DCT: variants seen among roughly 807,000 people sequenced by gnomAD.
DCT encodes the protein dopachrome tautomerase, also known as L-dopachrome tautomerase.
DCT carries 47 observed loss-of-function variants against 53.0 expected under a neutral mutation model. The ratio of observed to expected loss-of-function variants is 0.89; its 90% confidence interval spans 0.70 to 1.13. The LOEUF is 1.13. Among genes scored for constraint, DCT ranks in the 50% most tolerant of loss-of-function variants. The probability of loss-of-function intolerance (pLI) is 0.00; values close to 1 mark genes in which losing one functional copy is unlikely to be tolerated. For synonymous variants in DCT, 244 were observed against 237.0 expected (o/e 1.03, Z -0.27); for missense variants, 669 against 637.4 (o/e 1.05, Z -0.53).
At chr13:94,534,827 C>T in the DCT span, among the ~76,000 whole-genome samples, 1 of 152,198 alleles carries the variant, frequency 6.6e-6, no homozygotes, top group South Asian at 2.1e-4. Context: ...AATTTGAAGG[C>T]AAAAGATAAT....
intron 1 of DCT, among the ~76,000 whole-genome samples, chr13:94,474,846 T>C (rs1884972367): frequency 6.6e-6 from 1 of 152,202 alleles, no homozygotes; most frequent in African/African-American, 2.4e-5. Flanking sequence ...TTCTACTTAT[T>C]AGGCTGAAAT....
At chr13:94,461,040 G>A (rs1463600961) in intron 5 of DCT, among the ~76,000 whole-genome samples, 1 of 152,208 alleles carries the variant, frequency 6.6e-6, no homozygotes, top group Non-Finnish European at 1.5e-5. Context: ...AGCCTTCAGA[G>A]TAGTGTCAAA....
chr13:94,509,562 G>T, the DCT span, among the ~76,000 whole-genome samples: 1 of 152,156 alleles, frequency 6.6e-6, no homozygotes, highest in Non-Finnish European at 1.5e-5. Flanking sequence ...CAACCATAAT[G>T]GATATGCAGT....
At chr13:94,481,422 A>T (rs1298274147), upstream of DCT, among the ~76,000 whole-genome samples, 2 of 152,144 alleles carry the variant, frequency 1.3e-5, no homozygotes, top group African/African-American at 4.8e-5. Context: ...CATTCATTCC[A>T]TGTATATTTA....
At chr13:94,443,266 T>C (rs1196795368) in intron 7 of DCT, among the ~76,000 whole-genome samples, 170 bp downstream of exon 7, 3 of 152,202 alleles carry the variant, frequency 2.0e-5, no homozygotes, top group African/African-American at 4.8e-5. Flanking sequence ...ATTGGTAGTT[T>C]AAAGGCTCAT....
At chr13:94,442,993 G>T (rs1215753557) in intron 7 of DCT, among the ~76,000 whole-genome samples, 1 of 152,124 alleles carries the variant, frequency 6.6e-6, no homozygotes, top group Admixed American at 6.5e-5. Flanking sequence ...GGCAAATGTT[G>T]TACTTTCCTC....
chr13:94,525,339 TGATC>T, the DCT span, among the ~76,000 whole-genome samples: 1 of 152,124 alleles, frequency 6.6e-6, no homozygotes, highest in Non-Finnish European at 1.5e-5. Flanking sequence ...TGACCTCAGG[TGATC>T]CACCTGCCTC....
rs185229004 is a variant in DCT at position 94,443,580 on chromosome 13, G to A, written c.1237C>T (p.Pro413Ser). The A allele has an allele frequency of 1.1e-5, 18 of 1,614,064 alleles. No homozygotes were observed. The East Asian group carries it at 2.9e-4, about 26-fold the overall frequency. The change falls in exon 7 of 8, where the codon CCT (proline) becomes TCT (serine). Residue 413 changes from proline (P) to serine (S), a missense_variant. Physicochemically the swap from Pro to Ser is moderately conservative, Grantham distance 74. Transcript: ENST00000377028. ...FDEWMKRFNPPADAWPQELAP... is the reference protein window; with the variant it reads ...FDEWMKRFNPSADAWPQELAP... ...AGCTCCTGAGGCCAGGCATCTGCAG[G>A]AGGATTAAATCTTTTCATCCACTCA... is the stretch of plus-strand genomic sequence containing the variant.
At chr13:94,491,445 T>C in the DCT span, among the ~76,000 whole-genome samples, 2 of 152,180 alleles carry the variant, frequency 1.3e-5, no homozygotes, top group African/African-American at 4.8e-5. Flanking sequence ...TCTTAATTAA[T>C]TATTACCTGC....
chr13:94,455,381 TAGAGAGAGAGAGAGAGAG>T (rs56301019), intron 6 of DCT, among the ~76,000 whole-genome samples: 1 of 141,652 alleles, frequency 7.1e-6, no homozygotes, highest in African/African-American at 2.7e-5. Context: ...GACTGTCTCT[TAGAGAGAGAGAGAGAGAG>T]AGAGAGAGAG....
At chr13:94,441,789 G>A (rs1428361983) in intron 7 of DCT, among the ~76,000 whole-genome samples, 1 of 152,162 alleles carries the variant, frequency 6.6e-6, no homozygotes, top group Non-Finnish European at 1.5e-5. Context: ...GCTATTGTAA[G>A]TAATGCTGCT....
chr13:94,443,493 C>G lies in DCT; in HGVS notation c.1324G>C (p.Glu442Gln), dbSNP rs1882492521. ...TGGTCTGAGGTTAAAAAGAGTTCTT[C>G]ATTAGTCACTGGAGGGAAGAAAGGA... ...MVPFFPPVTN[E>Q]ELFLTSDQLG... Residue 442 changes from glutamate (E) to glutamine (Q), a missense_variant, in exon 7 of 8, where the codon GAA becomes CAA. Coordinates refer to ENST00000377028, the MANE Select transcript of DCT (RefSeq NM_001922.5). 3 of 1,613,964 alleles carry G rather than the reference C, an allele frequency of 1.9e-6. No homozygotes were observed. Among genetic ancestry groups the G allele is most frequent in the Admixed American group, 1.7e-5 (1 of 60,000 alleles).
intron 3 of DCT, 82 bp from the exon 4 acceptor site, chr13:94,465,881 T>C (rs1884160579): frequency 4.7e-6 from 5 of 1,070,202 alleles, no homozygotes; most frequent in Non-Finnish European, 6.6e-6. Context: ...GGCTGATATG[T>C]ATCTGAACCA....
the DCT span, among the ~76,000 whole-genome samples, chr13:94,530,940 A>C: frequency 6.6e-6 from 1 of 152,234 alleles, no homozygotes; most frequent in Non-Finnish European, 1.5e-5. Flanking sequence ...ACTTCAGCAA[A>C]GTCTCAGGAT....
upstream of DCT, among the ~76,000 whole-genome samples, chr13:94,479,865 G>A (rs749928861): frequency 2.6e-5 from 4 of 152,060 alleles, no homozygotes; most frequent in Admixed American, 6.6e-5. Context: ...ATTTCAGGAG[G>A]GCAAAACCAT....
At chr13:94,458,099 G>A (rs770050952) in intron 6 of DCT, among the ~76,000 whole-genome samples, 14 of 152,020 alleles carry the variant, frequency 9.2e-5, no homozygotes, top group Admixed American at 2.6e-4. Context: ...CCCCTTTCCC[G>A]GCTAATATGA....
At chr13:94,544,079 G>A in the DCT span, among the ~76,000 whole-genome samples, 6 of 150,666 alleles carry the variant, frequency 4.0e-5, no homozygotes, top group Non-Finnish European at 8.8e-5. Flanking sequence ...TTAATGCAAT[G>A]TATGAAAGAA....
the DCT span, among the ~76,000 whole-genome samples, chr13:94,532,611 G>A: frequency 6.6e-6 from 1 of 152,080 alleles, no homozygotes; most frequent in Non-Finnish European, 1.5e-5. Flanking sequence ...ACAGGGCAGG[G>A]AACATCACAC....
chr13:94,443,737 C>T (rs1882521610), intron 6 of DCT, 100 bp from the exon 7 acceptor site: 1 of 967,266 alleles, frequency 1.0e-6, no homozygotes, highest in Non-Finnish European at 1.6e-6. Context: ...TTCTTCTTGA[C>T]ATAGGAACTT....
Sources: allele counts gnomAD v4.1 joint callset (sites outside exome capture counted in the v4.1 genomes callset), GRCh38; gene constraint gnomAD v4.1.1; transcripts MANE v1.5; gene names NCBI Gene and HGNC (gene_info 2026-07-23, HGNC 2026-07-21).